The following RBM25 variants were observed in gnomAD, a reference collection of about 807,000 sequenced individuals.
RBM25 encodes the protein RNA-binding protein 25.
A neutral mutation model predicts 120.7 loss-of-function variants in RBM25; 19 were observed. The observed-to-expected ratio is 0.16, with a 90% CI of 0.11 to 0.23. The LOEUF (loss-of-function observed/expected upper bound fraction) is 0.23, where lower values mean the gene tolerates loss of function less well. RBM25 is among the 10% of genes least tolerant of loss of function. The pLI is 1.00. For synonymous variants in RBM25, 390 were observed against 326.7 expected, an observed-to-expected ratio of 1.19 and a Z score of -2.09; for missense variants, 605 against 1,041.5, an observed-to-expected ratio of 0.58 and a Z score of 5.77.
intron 9 of RBM25, chr14:73,100,000 AT>A: frequency 2.0e-6 from 1 of 502,104 alleles, no homozygotes; most frequent in Non-Finnish European, 3.3e-6. Flanking sequence ...ATAGAAGCTA[AT>A]TTTATTTTTA....
intron 18 of RBM25, among the ~76,000 whole-genome samples, chr14:73,118,769 A>G (rs1896485938): frequency 6.6e-6 from 1 of 151,016 alleles, no homozygotes; most frequent in South Asian, 2.1e-4. Flanking sequence ...TACATTTACT[A>G]TTTATTTATT....
intron 1 of RBM25, among the ~76,000 whole-genome samples, chr14:73,070,133 G>C (rs1895247451): frequency 6.6e-6 from 1 of 150,844 alleles, no homozygotes; most frequent in African/African-American, 2.4e-5. Flanking sequence ...CCACGCTGGA[G>C]TGCAGTGGAT....
intron 1 of RBM25, chr14:73,068,587 C>G: frequency 1.9e-6 from 1 of 536,680 alleles, no homozygotes; most frequent in South Asian, 1.5e-5. Flanking sequence ...TACGGTAGAT[C>G]TGACCATGGC....
At chr14:73,111,863 T>A in intron 16 of RBM25, 61 bp downstream of exon 16, 1 of 1,487,608 alleles carries the variant, frequency 6.7e-7, no homozygotes, top group Non-Finnish European at 9.0e-7. Context: ...CCATACAAAT[T>A]CATTTGAAGA....
chr14:73,091,020 A>G (rs987885648), intron 6 of RBM25, among the ~76,000 whole-genome samples: 1 of 152,244 alleles, frequency 6.6e-6, no homozygotes, highest in Admixed American at 6.5e-5. Flanking sequence ...AACTAGTTGA[A>G]AGTATGGATT....
intron 4 of RBM25, among the ~76,000 whole-genome samples, chr14:73,082,903 T>G (rs1289053718): frequency 7.2e-6 from 1 of 138,182 alleles, no homozygotes; most frequent in African/African-American, 2.7e-5. Context: ...CTACTAAAAA[T>G]AAATAAAAAA....
chr14:73,103,465 C>T lies in RBM25; in HGVS notation c.1141C>T (p.Arg381Cys). The change falls in exon 10 of 19, where the codon CGC (arginine) becomes TGC (cysteine). Residue 381 changes from arginine (R) to cysteine (C), a missense_variant. Transcript: ENST00000261973. ...AAGGAGCTCAGATCGTAATAAGGAT[C>T]GCAGTCGATCAAGGTAAGGCTTTAC... ...RERSSDRNKD[R>C]SRSREKSRDR... The T allele has an allele frequency of 6.3e-7, 1 of 1,595,686 alleles. No individual in the cohort carries two copies. Among genetic ancestry groups the T allele is most frequent in the Non-Finnish European group, 8.5e-7 (1 of 1,172,444 alleles).
rs1193172214 is a variant in RBM25, at chr14:73,103,859, A to AT, written c.1154+388dup. Among the ~76,000 whole-genome samples, 23 of 144,828 alleles carry AT rather than the reference A, an allele frequency of 1.6e-4. No individual in the cohort carries two copies. In the Admixed American group the frequency reaches 1.6e-3, roughly 10 times the overall value. On this transcript the variant is annotated intron_variant, in intron 10 of 18. Transcript: ENST00000261973. Reference sequence around the variant, plus strand: ...GTGAGTCACTGTGCCCAGCCTGAGAATTTTTTTAGAGACAACATGGTCTTT... The same window carrying AT: ...GTGAGTCACTGTGCCCAGCCTGAGAATTTTTTTTAGAGACAACATGGTCTTT...
In RBM25 at chr14:73,085,253, G is replaced by C. The variant is rs370971336; in HGVS notation, c.382+1702G>C. ...AGGAGGGTCTCGATCTCCTGATCTCGTGATCTGCCCGCCTTGGCCTCCCAA... is the reference window on the plus strand; with the variant it reads ...AGGAGGGTCTCGATCTCCTGATCTCCTGATCTGCCCGCCTTGGCCTCCCAA... On this transcript the variant is annotated intron_variant, in intron 5 of 18. Coordinates refer to ENST00000261973, the MANE Select transcript of RBM25 (RefSeq NM_021239.3). 2.9e-4 allele frequency among the ~76,000 whole-genome samples: 44 copies of C among 152,054 alleles called. No individual in the cohort carries two copies. In the South Asian group the frequency reaches 8.5e-3, roughly 29 times the overall value.
At chr14:73,105,728 A>G (rs1453596220) in intron 10 of RBM25, 131 bp from the exon 11 acceptor site, 2 of 1,388,900 alleles carry the variant, frequency 1.4e-6, no homozygotes, top group African/African-American at 1.5e-5. Context: ...ACATAGTTTT[A>G]TGGAAATCAA....
chr14:73,058,838 G>T (rs1034503249), intron 1 of RBM25, 133 bp downstream of exon 1: 3 of 151,570 alleles, frequency 2.0e-5, no homozygotes, highest in African/African-American at 4.9e-5. Context: ...AGGCGGGGGT[G>T]GGGGAGGGGT....
At chr14:73,060,503 T>G (rs1488164112) in intron 1 of RBM25, among the ~76,000 whole-genome samples, 6 of 151,634 alleles carry the variant, frequency 4.0e-5, no homozygotes, top group African/African-American at 1.4e-4. Flanking sequence ...ATTTTATAGC[T>G]TTGGAAGCAA....
intron 4 of RBM25, among the ~76,000 whole-genome samples, chr14:73,080,882 T>C (rs1411515217): frequency 2.0e-5 from 3 of 151,644 alleles, no homozygotes; most frequent in African/African-American, 7.3e-5. Context: ...TGGAGTGCAG[T>C]GGCGTGATCT....
intron 12 of RBM25, among the ~76,000 whole-genome samples, chr14:73,107,141 A>T (rs1054635395): frequency 6.6e-6 from 1 of 152,182 alleles, no homozygotes; most frequent in African/African-American, 2.4e-5. Flanking sequence ...ACGCCCAGCC[A>T]TATTTTTTCG....
In RBM25 at chr14:73,103,322, G is replaced by A. The variant is rs1896090989; in HGVS notation, c.998G>A (p.Arg333His). The A allele has an allele frequency of 1.9e-6, 3 of 1,585,692 alleles. No homozygotes were observed. The highest frequency in any genetic ancestry group is 2.6e-6 in the Non-Finnish European group (3 of 1,164,612). ...RERERERERE[R>H]EREKEKERER... is the part of the protein sequence containing the mutation. ...CGGGAACGAGAAAGGGAAAGAGAAC[G>A]TGAACGAGAAAAGGAGAAAGAACGG... is the stretch of plus-strand genomic sequence containing the variant. The change falls in exon 10 of 19, where the codon CGT (arginine) becomes CAT (histidine). Residue 333 changes from arginine (R) to histidine (H), a missense_variant. Physicochemically the swap from Arg to His is conservative, Grantham distance 29 (BLOSUM62 0). Coordinates refer to ENST00000261973, the MANE Select transcript of RBM25 (RefSeq NM_021239.3).
intron 2 of RBM25, among the ~76,000 whole-genome samples, chr14:73,072,555 G>T (rs967905918): frequency 6.6e-6 from 1 of 152,176 alleles, no homozygotes; most frequent in Non-Finnish European, 1.5e-5. Context: ...AGAAATTGGG[G>T]CTCAGGATTC....
At chr14:73,083,584 A>G (rs1005128504) in intron 5 of RBM25, 33 bp downstream of exon 5, 22 of 1,474,078 alleles carry the variant, frequency 1.5e-5, no homozygotes, top group Non-Finnish European at 2.0e-5. Context: ...TGCTGAAATC[A>G]CTTTAACTAA....
At chr14:73,066,574 C>G (rs1293729741) in intron 1 of RBM25, among the ~76,000 whole-genome samples, 1 of 151,176 alleles carries the variant, frequency 6.6e-6, no homozygotes, top group African/African-American at 2.4e-5. Context: ...TCGCTTGAAC[C>G]CGACAGGCGG....
At chr14:73,086,713 C>G (rs975624005) in intron 5 of RBM25, among the ~76,000 whole-genome samples, 2 of 151,096 alleles carry the variant, frequency 1.3e-5, no homozygotes, top group African/African-American at 4.9e-5. Context: ...AATTACTTTT[C>G]TTTTTTTTTG....
Sources: gnomAD v4.1 joint callset for allele counts (sites outside exome capture counted in the v4.1 genomes callset) on GRCh38, gnomAD v4.1.1 for gene constraint, MANE v1.5 for transcripts, NCBI Gene and HGNC (gene_info 2026-07-23, HGNC 2026-07-21) for gene names.